Variants in PHRF1 observed in about 807,000 individuals in gnomAD.
PHRF1 encodes the protein PHD and ring finger domains 1, also known as PHD and RING finger domain-containing protein 1.
Under a neutral mutation model 128.9 loss-of-function variants are expected in PHRF1, and 53 were observed. The observed-to-expected ratio is 0.41, with a 90% confidence interval of 0.33 to 0.52. The LOEUF (loss-of-function observed/expected upper bound fraction) is 0.52, where lower values mean the gene tolerates loss of function less well. Ranked by LOEUF, PHRF1 falls within the 20% of genes least tolerant of loss-of-function variation. The probability of loss-of-function intolerance (pLI) is 0.21; values close to 1 mark genes in which losing one functional copy is unlikely to be tolerated. For synonymous variants in PHRF1, 1,178 were observed against 980.6 expected (o/e 1.20, Z -3.76); for missense variants, 2,503 against 2,284.5 (o/e 1.10, Z -1.95).
intron 17 of PHRF1, 120 bp downstream of exon 17, chr11:611,202 T>G (rs981719800): frequency 1.3e-6 from 2 of 1,489,174 alleles, no homozygotes; most frequent in Non-Finnish European, 1.8e-6. Context: ...CCAGCCAGGT[T>G]AGGGGTCAGG....
chr11:579,052 C>T lies in PHRF1; in HGVS notation c.-21-2440C>T, dbSNP rs187922810. ...ATGGGGTTTCACTGTGTTGCCTAGG[C>T]TGGTCTTGAACTACGGAGCTCAGGC... On this transcript the variant is annotated intron_variant, in intron 1 of 17. Coordinates refer to ENST00000264555, the MANE Select transcript of PHRF1 (RefSeq NM_001286581.2). Among the ~76,000 whole-genome samples, 8 of 152,306 alleles carry T rather than the reference C, an allele frequency of 5.3e-5. No homozygotes were observed. The East Asian group carries it at 1.5e-3, about 29-fold the overall frequency.
chr11:580,981 G>T (rs1564836785), intron 1 of PHRF1, among the ~76,000 whole-genome samples: 1 of 148,406 alleles, frequency 6.7e-6, no homozygotes. Flanking sequence ...GAGCAGCTAT[G>T]CCTGGCCTAA....
intron 8 of PHRF1, among the ~76,000 whole-genome samples, chr11:598,120 C>T (rs534265448): frequency 6.6e-6 from 1 of 152,336 alleles, no homozygotes; most frequent in Admixed American, 6.5e-5. Context: ...CCACCCCCGC[C>T]ACAGTGACTG....
Position 611,729 on chromosome 11 carries a change from G to A in PHRF1, c.4902G>A (p.Lys1634=), listed in dbSNP as rs1457830275. 10 of 1,612,760 alleles carry A rather than the reference G, an allele frequency of 6.2e-6. 1 individual carries two copies. In the South Asian group the frequency reaches 1.1e-4, roughly 18 times the overall value. ...VDKYRHMRRH[K]KPEAGEEPPT... ...AGTACAGGCACATGCGCAGGCACAA[G>A]AAACCAGAGGCCGGGGAGGAGCCGC... Residue 1634 remains lysine (K), a synonymous_variant, in exon 18 of 18, where the codon AAG becomes AAA. Transcript: ENST00000264555.
At chr11:581,465 A>T in intron 1 of PHRF1, 27 bp from the exon 2 acceptor site, 2 of 1,603,638 alleles carry the variant, frequency 1.2e-6, no homozygotes, top group Non-Finnish European at 1.7e-6. Flanking sequence ...GACAGTTTGG[A>T]AGTTGCTTGG....
At position 609,546 on chromosome 11, in the gene PHRF1, G is replaced by T. The variant is rs751605992; in HGVS notation, c.4090G>T (p.Ala1364Ser). 1 of 1,599,342 alleles carries T rather than the reference G, an allele frequency of 6.3e-7. No homozygotes were observed. Among genetic ancestry groups the T allele is most frequent in the Non-Finnish European group, 8.5e-7 (1 of 1,175,216 alleles). The stretch of plus-strand genomic sequence containing the variant: ...TGAGGCACCCAGTTCCCCGGATGTG[G>T]CGCCTGCGGGGAAGGAAGACAGCCC... ...KAEAPSSPDV[A>S]PAGKEDSPSA... The change falls in exon 14 of 18, where the codon GCG becomes TCG. Residue 1364 changes from alanine to serine, a missense_variant. By Grantham distance (99) the Ala-to-Ser change is moderately conservative. Transcript: ENST00000264555.
intron 6 of PHRF1, 148 bp downstream of exon 6, chr11:592,822 T>A (rs1855060487): frequency 1.3e-6 from 1 of 793,440 alleles, no homozygotes. Context: ...GGTTCAGTCC[T>A]GCGGGCCTTC....
rs1855867358 is a variant in PHRF1 at position 605,146 on chromosome 11, G to T, written c.1180G>T (p.Ala394Ser). The stretch of plus-strand genomic sequence containing the variant: ...TGAAGCCACCACTCGCTCTCGAATC[G>T]CGCGGACGCTGGGCCTGCGCAGGCC... ...KSEATTRSRI[A>S]RTLGLRRPVH... The change falls in exon 11 of 18, where the codon GCG (alanine) becomes TCG (serine). Residue 394 changes from alanine to serine, a missense_variant. Transcript: ENST00000264555. The T allele has an allele frequency of 6.2e-7, 1 of 1,612,352 alleles. No individual in the cohort carries two copies.
At chr11:602,928 A>G (rs919286436) in intron 10 of PHRF1, among the ~76,000 whole-genome samples, 2 of 151,246 alleles carry the variant, frequency 1.3e-5, no homozygotes, top group African/African-American at 4.9e-5. Flanking sequence ...ACGCCCAGCT[A>G]ATTTTTGTAT....
intron 1 of PHRF1, among the ~76,000 whole-genome samples, chr11:579,282 T>C (rs1854073614): frequency 1.0e-5 from 1 of 97,194 alleles, no homozygotes; most frequent in African/African-American, 5.0e-5. Flanking sequence ...TGTTATCTCT[T>C]AGGTGGTCTC....
In PHRF1 at chr11:596,998, G is replaced by A. The variant is rs764340138; in HGVS notation, c.696G>A (p.Ala232=). The change falls in exon 7 of 18, where the codon GCG becomes GCA. Residue 232 remains alanine, a synonymous_variant. Coordinates refer to ENST00000264555, the MANE Select transcript of PHRF1 (RefSeq NM_001286581.2). The part of the protein sequence containing the change: ...VDEWFCPECA[A]PGVVLAADAG... ...AGTGGTTCTGCCCGGAATGTGCTGC[G>A]CCTGGTGTTGTCCTTGCCGCTGGTA... 6.2e-6 allele frequency: 10 copies of A among 1,613,722 alleles called. No individual in the cohort carries two copies. Among genetic ancestry groups the A allele is most frequent in the African/African-American group, 2.7e-5 (2 of 74,906 alleles).
At chr11:582,117 T>C (rs1424386180) in intron 3 of PHRF1, 36 bp downstream of exon 3, 13 of 1,558,644 alleles carry the variant, frequency 8.3e-6, no homozygotes, top group Admixed American at 3.9e-5. Flanking sequence ...CTCCTGTGTT[T>C]CCTCTTGTCG....
rs768896711 is a variant in PHRF1 at position 609,039 on chromosome 11, A to C, written c.3583A>C (p.Lys1195Gln). The change falls in exon 14 of 18, where the codon AAG becomes CAG. Residue 1195 changes from lysine (K) to glutamine (Q), a missense_variant. Lys to Gln is a moderately conservative substitution (Grantham distance 53). Transcript: ENST00000264555. The part of the protein sequence containing the change: ...PQTRSHSPER[K>Q]GAVREASPAP... ...GACCCGGTCCCATTCCCCAGAGAGG[A>C]AGGGGGCTGTGAGGGAGGCTTCCCC... 1.3e-6 allele frequency: 2 copies of C among 1,594,932 alleles called. No homozygotes were observed. The highest frequency in any genetic ancestry group is 1.7e-6 in the Non-Finnish European group (2 of 1,171,480).
At chr11:581,934 G>C in intron 2 of PHRF1, 28 bp from the exon 3 acceptor site, 1 of 1,562,226 alleles carries the variant, frequency 6.4e-7, no homozygotes, top group Non-Finnish European at 8.7e-7. Context: ...ACGCCGCCCT[G>C]CGGCCTGTGT....
chr11:578,423 A>T (rs1333138448), intron 1 of PHRF1, among the ~76,000 whole-genome samples: 1 of 152,148 alleles, frequency 6.6e-6, no homozygotes, highest in Non-Finnish European at 1.5e-5. Context: ...ACTTAGCCCC[A>T]CAGGTGCATG....
At chr11:601,501 G>A (rs1855623312) in intron 9 of PHRF1, 73 bp from the exon 10 acceptor site, 1 of 1,598,986 alleles carries the variant, frequency 6.3e-7, no homozygotes, top group African/African-American at 1.4e-5. Context: ...TCCGTCCACT[G>A]GGCTGGACTC....
In PHRF1 at chr11:581,593, G is replaced by T. The variant is rs756377848; in HGVS notation, c.81G>T (p.Pro27=). 3.1e-6 allele frequency: 5 copies of T among 1,612,512 alleles called. No homozygotes were observed. In the Admixed American group the frequency reaches 8.3e-5, roughly 27 times the overall value. ...ACCCACAGGTCGGCCCTGCGGACCC[G>T]GCAGGTGACTTTGGTGAGCTGCCTA... The part of the protein sequence containing the change: ...DGHPQVGPAD[P]AGDFEESSVG... Residue 27 remains proline (P), a synonymous_variant, in exon 2 of 18, where the codon CCG becomes CCT. Transcript: ENST00000264555.
At chr11:606,838 C>A in intron 13 of PHRF1, 2 of 884,226 alleles carry the variant, frequency 2.3e-6, no homozygotes, top group Non-Finnish European at 3.3e-6. Flanking sequence ...TGCCCCCGCC[C>A]CTGGTTAATA....
Position 607,143 on chromosome 11 carries a change from G to C in PHRF1, c.1687G>C (p.Ala563Pro). 3.1e-6 allele frequency: 5 copies of C among 1,613,042 alleles called. No individual in the cohort carries two copies. The highest frequency in any genetic ancestry group is 4.2e-6 in the Non-Finnish European group (5 of 1,179,742). The stretch of plus-strand genomic sequence containing the variant: ...ATTCAAGGGCTGCCTGCAGCCCCGA[G>C]CACTGCCCTCCGGGAGCCCGGCCCA... ...EGFKGCLQPR[A>P]LPSGSPAQGP... Residue 563 changes from alanine to proline, a missense_variant, in exon 14 of 18, where the codon GCA (alanine) becomes CCA (proline). Transcript: ENST00000264555.
Sources: gnomAD v4.1 joint callset for allele counts (sites outside exome capture counted in the v4.1 genomes callset) on GRCh38, gnomAD v4.1.1 for gene constraint, MANE v1.5 for transcripts, NCBI Gene and HGNC (gene_info 2026-07-23, HGNC 2026-07-21) for gene names.